The following OR7C1 variants were observed in gnomAD, a reference collection of about 807,000 sequenced individuals.
The protein encoded by OR7C1 is olfactory receptor family 7 subfamily C member 1, also known as olfactory receptor 7C1.
For synonymous variants in OR7C1, 152 were observed against 160.7 expected, an observed-to-expected ratio of 0.95 and a Z score of 0.41; for missense variants, 324 against 383.3, an observed-to-expected ratio of 0.85 and a Z score of 1.29.
At chr19:14,809,651 C>T (rs1810881781) in intron 2 of OR7C1, among the ~76,000 whole-genome samples, 155 bp downstream of exon 2, 1 of 151,860 alleles carries the variant, frequency 6.6e-6, no homozygotes, top group South Asian at 2.1e-4. Flanking sequence ...AGAGAGAGGA[C>T]CGGCTGCAAG....
At chr19:14,825,232 A>T (rs2044759707) in intron 1 of OR7C1, 1 of 152,182 alleles carries the variant, frequency 6.6e-6, no homozygotes, top group Non-Finnish European at 1.5e-5. Flanking sequence ...TCTTGTGCTT[A>T]AAATGTAAAA....
At chr19:14,821,328 G>C (rs1207716512) in intron 1 of OR7C1, 1 of 152,232 alleles carries the variant, frequency 6.6e-6, no homozygotes, top group African/African-American at 2.4e-5. Flanking sequence ...GGTCTGATGT[G>C]AATTCTGTAA....
chr19:14,813,675 C>T (rs936377627), intron 1 of OR7C1, among the ~76,000 whole-genome samples: 15 of 152,046 alleles, frequency 9.9e-5, no homozygotes, highest in African/African-American at 3.6e-4. Context: ...AAGCAAGACA[C>T]GTCTTCACAA....
intron 2 of OR7C1, among the ~76,000 whole-genome samples, chr19:14,806,384 A>AGTTTT (rs768844100): frequency 1.9e-4 from 29 of 151,968 alleles, no homozygotes; most frequent in Admixed American, 7.2e-4. Flanking sequence ...CATGTTGCTA[A>AGTTTT]GTTTTATTTT....
At position 14,804,897 on chromosome 19, in the gene OR7C1, G is replaced by T. The variant is rs568877295; in HGVS notation, c.-434-4133C>A. On this transcript the variant is annotated intron_variant, in intron 2 of 4. Coordinates refer to ENST00000641666, the Ensembl canonical transcript of OR7C1. ...TCTCAATAATTTTTTTTTGAGACAAGGTCTTGTTTTGTTGCCCAGGCTGGA... is the reference window on the plus strand; with the variant it reads ...TCTCAATAATTTTTTTTTGAGACAATGTCTTGTTTTGTTGCCCAGGCTGGA... 3.8e-4 allele frequency among the ~76,000 whole-genome samples: 57 copies of T among 151,638 alleles called. 1 individual carries two copies. The highest frequency in any genetic ancestry group is 1.3e-3 in the African/African-American group (55 of 41,126).
chr19:14,820,192 A>G (rs1207252847), intron 1 of OR7C1, among the ~76,000 whole-genome samples: 5 of 152,186 alleles, frequency 3.3e-5, no homozygotes, highest in Admixed American at 2.0e-4. Context: ...GATTACAGGC[A>G]TGAGCCACTG....
chr19:14,803,015 G>A (rs1189926317), intron 2 of OR7C1, among the ~76,000 whole-genome samples: 1 of 152,072 alleles, frequency 6.6e-6, no homozygotes, highest in Non-Finnish European at 1.5e-5. Context: ...AGGGCCCAAA[G>A]ATTGGTTGGG....
intron 1 of OR7C1, chr19:14,825,283 G>C (rs1035490430): frequency 6.6e-6 from 1 of 152,180 alleles, no homozygotes; most frequent in Non-Finnish European, 1.5e-5. Flanking sequence ...ATGGAGGGGT[G>C]AGAATGGGAG....
At chr19:14,829,948 A>C (rs575260929) in intron 1 of OR7C1, among the ~76,000 whole-genome samples, 1 of 152,116 alleles carries the variant, frequency 6.6e-6, no homozygotes, top group Non-Finnish European at 1.5e-5. Flanking sequence ...CTGCAGCTTC[A>C]ACCACCCAGG....
At chr19:14,807,903 A>AAAAC (rs1273101922) in intron 2 of OR7C1, among the ~76,000 whole-genome samples, 1 of 151,710 alleles carries the variant, frequency 6.6e-6, no homozygotes. Context: ...CTCAAAAAAA[A>AAAAC]AAACAAACAA....
At chr19:14,824,476 AT>A (rs2145072030) in intron 1 of OR7C1, 1 of 152,278 alleles carries the variant, frequency 6.6e-6, no homozygotes, top group East Asian at 1.9e-4. Flanking sequence ...AACATGAAGT[AT>A]TTGGTTTTCT....
chr19:14,802,803 G>A (rs7250613), intron 2 of OR7C1, among the ~76,000 whole-genome samples: 4,163 of 152,220 alleles, frequency 0.027, 182 homozygotes, highest in African/African-American at 0.094. Context: ...AAGCTCTGTC[G>A]TTGTCTGGGG....
intron 2 of OR7C1, among the ~76,000 whole-genome samples, chr19:14,803,317 A>G (rs2044650720): frequency 6.6e-6 from 1 of 151,464 alleles, no homozygotes; most frequent in African/African-American, 2.4e-5. Context: ...CAAAAAAAAA[A>G]AAAAAAAAAG....
chr19:14,814,707 A>C (rs1486009495), intron 1 of OR7C1, among the ~76,000 whole-genome samples: 1 of 152,106 alleles, frequency 6.6e-6, no homozygotes, highest in Non-Finnish European at 1.5e-5. Flanking sequence ...TTACAGGCGT[A>C]AGCCACCATG....
Position 14,827,762 on chromosome 19 carries a change from GA to G in OR7C1, c.-623+7311del, listed in dbSNP as rs764275855. Reference sequence around the variant, plus strand: ...AGAAGGACAGCCGTACTACCATTAAGATTTGTAGCAAGGAATACAGAGCACT... The same window carrying G: ...AGAAGGACAGCCGTACTACCATTAAGTTTGTAGCAAGGAATACAGAGCACT... On this transcript the variant is annotated intron_variant, in intron 1 of 4. Transcript: ENST00000641666. The G allele has an allele frequency of 1.9e-6, 3 of 1,614,186 alleles. No individual in the cohort carries two copies. The East Asian group carries it at 6.7e-5, about 36-fold the overall frequency.
exon 4 of OR7C1, chr19:14,800,267 T>G: frequency 1.9e-6 from 2 of 1,035,444 alleles, no homozygotes; most frequent in Non-Finnish European, 2.8e-6. Flanking sequence ...TTTTTCTTGC[T>G]GTCTTTTTCT....
chr19:14,801,019 C>T (rs894854133), intron 2 of OR7C1, among the ~76,000 whole-genome samples: 3 of 152,152 alleles, frequency 2.0e-5, no homozygotes, highest in African/African-American at 4.8e-5. Context: ...CTGAACTCCT[C>T]GTGTGTGTCC....
chr19:14,831,460 T>A (rs1268425403), intron 1 of OR7C1, among the ~76,000 whole-genome samples: 1 of 152,226 alleles, frequency 6.6e-6, no homozygotes, highest in East Asian at 1.9e-4. Flanking sequence ...TTATTATTTT[T>A]TTGAGACAGA....
intron 1 of OR7C1, among the ~76,000 whole-genome samples, chr19:14,818,545 T>TA (rs1374609906): frequency 6.6e-6 from 1 of 152,238 alleles, no homozygotes; most frequent in Admixed American, 6.5e-5. Context: ...GTGGGTTTGT[T>TA]AGATAGTTCC....
Sources: allele counts gnomAD v4.1 joint callset (sites outside exome capture counted in the v4.1 genomes callset), GRCh38; gene constraint gnomAD v4.1.1; transcripts MANE v1.5; gene names NCBI Gene and HGNC (gene_info 2026-07-23, HGNC 2026-07-21).